Variants in NRG1 observed in about 807,000 individuals in gnomAD.
The protein encoded by NRG1 is pro-neuregulin-1, membrane-bound isoform.
Under a neutral mutation model 63.8 loss-of-function variants are expected in NRG1, and 18 were observed. That is an observed-to-expected ratio of 0.28 (90% CI 0.19 to 0.42). The LOEUF is 0.42. Among genes scored for constraint, NRG1 ranks in the 10% least tolerant of loss-of-function variants. The probability of loss-of-function intolerance (pLI) is 1.00; values close to 1 mark genes in which losing one functional copy is unlikely to be tolerated. For synonymous variants in NRG1, 302 were observed against 301.3 expected, an observed-to-expected ratio of 1.00 and a Z score of -0.02; for missense variants, 762 against 814.7, an observed-to-expected ratio of 0.94 and a Z score of 0.79.
chr8:32,737,217 G>A (rs528814711), intron 6 of NRG1, among the ~76,000 whole-genome samples: 27 of 152,194 alleles, frequency 1.8e-4, no homozygotes, highest in Admixed American at 2.0e-4. Context: ...TTTTATTGGA[G>A]GGAGGGAGAC....
chr8:31,877,240 C>T (rs978790934), intron 1 of NRG1, among the ~76,000 whole-genome samples: 5 of 152,192 alleles, frequency 3.3e-5, no homozygotes, highest in East Asian at 1.9e-4. Flanking sequence ...AAAGCCATTT[C>T]GAACTCCGAA....
chr8:32,748,358 C>CACACACAGAGAGAGAGAGAG (rs748763782), intron 7 of NRG1, among the ~76,000 whole-genome samples: 11 of 122,008 alleles, frequency 9.0e-5, no homozygotes, highest in East Asian at 2.4e-4. Context: ...CACACACACA[C>CACACACAGAGAGAGAGAGAG]AGAGAGAGAG....
chr8:31,853,898 T>G (rs187352878), intron 1 of NRG1, among the ~76,000 whole-genome samples: 1 of 151,330 alleles, frequency 6.6e-6, no homozygotes, highest in Admixed American at 6.6e-5. Context: ...GGCTCTGTTT[T>G]TATGCTGGAT....
chr8:32,335,424 G>A lies in NRG1; in HGVS notation c.38-260404G>A, dbSNP rs553015384. ...TCCTCAGGTAGGCAGTGCTCCTCGAGCTTTGGGTGGCAATCCTTCACCAAT... is the reference window on the plus strand; with the variant it reads ...TCCTCAGGTAGGCAGTGCTCCTCGAACTTTGGGTGGCAATCCTTCACCAAT... On this transcript the variant is annotated intron_variant, in intron 1 of 10. Transcript: ENST00000519301. Among the ~76,000 whole-genome samples the A allele has an allele frequency of 2.0e-5, 3 of 152,270 alleles. No individual in the cohort carries two copies. In the South Asian group the frequency reaches 6.2e-4, roughly 32 times the overall value.
intron 5 of NRG1, among the ~76,000 whole-genome samples, chr8:32,660,974 A>G (rs1235958466): frequency 6.6e-6 from 1 of 152,162 alleles, no homozygotes; most frequent in Non-Finnish European, 1.5e-5. Context: ...ATGTGCTACT[A>G]TTTATTTTGG....
intron 1 of NRG1, among the ~76,000 whole-genome samples, chr8:32,251,619 T>C (rs1182200674): frequency 6.6e-6 from 1 of 152,218 alleles, no homozygotes; most frequent in Non-Finnish European, 1.5e-5. Flanking sequence ...TCTAGATTCT[T>C]GAGGAATCGC....
At chr8:32,713,777 A>C (rs1164810071) in intron 5 of NRG1, among the ~76,000 whole-genome samples, 4 of 147,630 alleles carry the variant, frequency 2.7e-5, no homozygotes, top group African/African-American at 9.8e-5. Context: ...TATAATTAAA[A>C]TCTTATATGT....
At chr8:31,898,281 G>T (rs1052956250) in intron 1 of NRG1, among the ~76,000 whole-genome samples, 9 of 152,090 alleles carry the variant, frequency 5.9e-5, no homozygotes, top group African/African-American at 2.2e-4. Flanking sequence ...CAAATATTAA[G>T]AGTTTGACTC....
chr8:31,881,165 C>T, intron 1 of NRG1, among the ~76,000 whole-genome samples: 1 of 152,038 alleles, frequency 6.6e-6, no homozygotes, highest in East Asian at 1.9e-4. Context: ...GTGTTTTTTA[C>T]AAATTGAAGA....
intron 1 of NRG1, among the ~76,000 whole-genome samples, chr8:31,678,857 G>A (rs1011258428): frequency 2.0e-5 from 3 of 149,174 alleles, no homozygotes; most frequent in Non-Finnish European, 4.5e-5. Context: ...ATATTGATAA[G>A]GATATTACTT....
chr8:32,732,624 C>G (rs1468554394), intron 6 of NRG1, among the ~76,000 whole-genome samples: 2 of 151,756 alleles, frequency 1.3e-5, no homozygotes, highest in African/African-American at 4.8e-5. Context: ...AAATTTCTTC[C>G]CAGGGAGTCA....
chr8:31,755,722 C>T (rs1816901858), intron 1 of NRG1, among the ~76,000 whole-genome samples: 1 of 152,100 alleles, frequency 6.6e-6, no homozygotes, highest in Admixed American at 6.6e-5. Context: ...CACTGCACTG[C>T]AGCAGCGCGT....
chr8:31,959,591 G>T (rs1015663320), intron 1 of NRG1, among the ~76,000 whole-genome samples: 1 of 152,002 alleles, frequency 6.6e-6, no homozygotes, highest in Non-Finnish European at 1.5e-5. Context: ...GTACTATCCT[G>T]AGTTGAAATA....
intron 1 of NRG1, among the ~76,000 whole-genome samples, chr8:31,825,244 C>G (rs577786045): frequency 6.6e-6 from 1 of 151,874 alleles, no homozygotes; most frequent in Non-Finnish European, 1.5e-5. Context: ...AAAAACTAGC[C>G]GGGTGTGGTG....
chr8:31,650,604 A>G (rs1158838983), intron 1 of NRG1, among the ~76,000 whole-genome samples: 1 of 152,216 alleles, frequency 6.6e-6, no homozygotes, highest in Non-Finnish European at 1.5e-5. Flanking sequence ...GATTCCTACC[A>G]GGGATATGCA....
chr8:31,735,783 T>C (rs1322353594), intron 1 of NRG1, among the ~76,000 whole-genome samples: 1 of 152,168 alleles, frequency 6.6e-6, no homozygotes, highest in African/African-American at 2.4e-5. Context: ...CAAGATGGCA[T>C]CTCCTGTTTT....
intron 1 of NRG1, chr8:32,256,520 G>A (rs922968247): frequency 1.3e-5 from 2 of 152,402 alleles, no homozygotes; most frequent in African/African-American, 2.4e-5. Flanking sequence ...CACCCTGAAT[G>A]CGCCCGATCT....
chr8:32,079,420 C>G (rs145302870), intron 1 of NRG1, among the ~76,000 whole-genome samples: 1 of 152,206 alleles, frequency 6.6e-6, no homozygotes, highest in Non-Finnish European at 1.5e-5. Flanking sequence ...TCACAGCAAC[C>G]CTCTGAAGTA....
chr8:32,207,962 G>A (rs779150323), intron 1 of NRG1, among the ~76,000 whole-genome samples: 1 of 152,108 alleles, frequency 6.6e-6, no homozygotes, highest in Non-Finnish European at 1.5e-5. Flanking sequence ...TACCATCCTT[G>A]GGTGTTAAGG....
Sources: gnomAD v4.1 joint callset for allele counts (sites outside exome capture counted in the v4.1 genomes callset) on GRCh38, gnomAD v4.1.1 for gene constraint, MANE v1.5 for transcripts, NCBI Gene and HGNC (gene_info 2026-07-23, HGNC 2026-07-21) for gene names.